DNAH11: variants seen among roughly 807,000 people sequenced by gnomAD.
DNAH11 encodes dynein axonemal heavy chain 11, also known as axonemal beta dynein heavy chain 11.
Under a neutral mutation model 526.0 loss-of-function variants are expected in DNAH11, and 442 were observed. The observed-to-expected ratio is 0.84, with a 90% CI of 0.78 to 0.91. DNAH11 has a LOEUF of 0.91. Among genes scored for constraint, DNAH11 ranks in the 40% least tolerant of loss-of-function variants. The probability of loss-of-function intolerance (pLI) is 0.00; values close to 1 mark genes in which losing one functional copy is unlikely to be tolerated. For synonymous variants in DNAH11, 2,461 were observed against 1,935.9 expected (o/e 1.27, Z -7.12); for missense variants, 6,989 against 5,448.7 (o/e 1.28, Z -8.90).
chr7:21,638,404 G>A (rs1035303528), intron 27 of DNAH11, among the ~76,000 whole-genome samples: 2 of 152,084 alleles, frequency 1.3e-5, no homozygotes, highest in South Asian at 2.1e-4. Flanking sequence ...TTTGGGGCTC[G>A]GGCTCTGCCT....
chr7:21,666,627 A>C (rs1191700623), intron 30 of DNAH11, among the ~76,000 whole-genome samples: 2 of 152,080 alleles, frequency 1.3e-5, no homozygotes, highest in Non-Finnish European at 2.9e-5. Context: ...CCTCACTTTT[A>C]GTTGCTAAGG....
intron 27 of DNAH11, 127 bp from the exon 28 acceptor site, chr7:21,638,812 A>C: frequency 1.8e-6 from 2 of 1,137,966 alleles, no homozygotes; most frequent in South Asian, 3.2e-5. Flanking sequence ...AAAAGAAGGA[A>C]GTAAGCTACC....
intron 28 of DNAH11, among the ~76,000 whole-genome samples, chr7:21,649,453 C>T (rs1787524088): frequency 6.6e-6 from 1 of 151,970 alleles, no homozygotes; most frequent in Admixed American, 6.6e-5. Flanking sequence ...CAATGGAATA[C>T]CACATAGCAA....
intron 25 of DNAH11, among the ~76,000 whole-genome samples, chr7:21,630,142 A>T (rs1786534233): frequency 6.6e-6 from 1 of 151,982 alleles, no homozygotes. Context: ...TTTTAAAGAG[A>T]TGACAACTTA....
intron 30 of DNAH11, among the ~76,000 whole-genome samples, chr7:21,662,282 C>A (rs11768215): frequency 0.41 from 61,736 of 151,970 alleles, 13,335 homozygotes; most frequent in Non-Finnish European, 0.49. Context: ...TTCTAACATG[C>A]AGAAAAGCTG....
At chr7:21,787,277 A>G in intron 59 of DNAH11, 124 bp from the exon 60 acceptor site, 2 of 858,526 alleles carry the variant, frequency 2.3e-6, no homozygotes, top group Non-Finnish European at 3.5e-6. Flanking sequence ...AAACAGTAGG[A>G]TAAATGCAGC....
chr7:21,594,098 A>ACT lies in DNAH11; in HGVS notation c.2667+2524_2667+2525dup, dbSNP rs1554317068. On this transcript the variant is annotated intron_variant, in intron 14 of 81. Transcript: ENST00000409508. ...CACACACACACACACACACACACACACTCTGAAGCCATCATGAAGTAGCAC... is the reference window on the plus strand; with the variant it reads ...CACACACACACACACACACACACACACTCTCTGAAGCCATCATGAAGTAGCAC... Among the ~76,000 whole-genome samples, 96 of 148,062 alleles carry ACT rather than the reference A, an allele frequency of 6.5e-4. 1 individual carries two copies. Among genetic ancestry groups the ACT allele is most frequent in the South Asian group, 1.8e-3 (8 of 4,564 alleles).
Position 21,797,444 on chromosome 7 carries a change from C to T in DNAH11, c.10027-3693C>T, listed in dbSNP as rs1027327688. Among the ~76,000 whole-genome samples the T allele has an allele frequency of 5.5e-4, 84 of 151,794 alleles. 3 individuals carry two copies. The highest frequency in any genetic ancestry group is 1.9e-3 in the African/African-American group (77 of 41,098). ...ATGTTGGTCAGGCTGGTCTCAAACT[C>T]GTGACCTCAGGTGATCCGCTCGCCT... On this transcript the variant is annotated intron_variant, in intron 61 of 81. Coordinates refer to ENST00000409508, the MANE Select transcript of DNAH11 (RefSeq NM_001277115.2).
rs887984121 is a variant in DNAH11 at position 21,718,700 on chromosome 7, T to A, written c.7134+775T>A. Reference sequence around the variant, plus strand: ...CAGCCCTTAGAAGTAGAAGACTTCATGAAAAGGTTTACAATTAGAAACCCC... The same window carrying A: ...CAGCCCTTAGAAGTAGAAGACTTCAAGAAAAGGTTTACAATTAGAAACCCC... On this transcript the variant is annotated intron_variant, in intron 43 of 81. Transcript: ENST00000409508. Among the ~76,000 whole-genome samples the A allele has an allele frequency of 2.0e-5, 3 of 152,170 alleles. No homozygotes were observed. The South Asian group carries it at 6.2e-4, about 32-fold the overall frequency.
At chr7:21,625,895 C>G (rs1450144393) in intron 25 of DNAH11, among the ~76,000 whole-genome samples, 1 of 151,984 alleles carries the variant, frequency 6.6e-6, no homozygotes, top group Non-Finnish European at 1.5e-5. Context: ...AAGTTTTTAG[C>G]TAAGATTATC....
intron 28 of DNAH11, among the ~76,000 whole-genome samples, chr7:21,648,170 A>G (rs1011047525): frequency 6.6e-6 from 1 of 152,240 alleles, no homozygotes; most frequent in Non-Finnish European, 1.5e-5. Context: ...TACCAAATGC[A>G]GAAAGCAGTA....
At chr7:21,745,804 A>G (rs991178390) in intron 51 of DNAH11, among the ~76,000 whole-genome samples, 2 of 152,360 alleles carry the variant, frequency 1.3e-5, no homozygotes, top group South Asian at 2.1e-4. Flanking sequence ...TGAATTTCCA[A>G]AGAGGGACTG....
chr7:21,889,379 C>G (rs150037759), intron 76 of DNAH11, among the ~76,000 whole-genome samples: 94 of 152,242 alleles, frequency 6.2e-4, no homozygotes, highest in Non-Finnish European at 7.2e-4. Flanking sequence ...TTTGTGTGGA[C>G]ATATGTTTTC....
intron 72 of DNAH11, 130 bp downstream of exon 72, chr7:21,868,137 G>A: frequency 1.2e-6 from 1 of 855,842 alleles, no homozygotes; most frequent in Non-Finnish European, 1.6e-6. Context: ...TTGAAGATTG[G>A]GTGTATGGAA....
chr7:21,802,043 G>A (rs986069177), intron 62 of DNAH11, among the ~76,000 whole-genome samples: 1 of 152,160 alleles, frequency 6.6e-6, no homozygotes, highest in African/African-American at 2.4e-5. Flanking sequence ...TTGTTTTCTT[G>A]TATCTAAAAC....
At chr7:21,567,858 T>G (rs1783737219) in intron 6 of DNAH11, among the ~76,000 whole-genome samples, 1 of 152,222 alleles carries the variant, frequency 6.6e-6, no homozygotes, top group South Asian at 2.1e-4. Context: ...TAGCACAGGC[T>G]TTGGTAGTGG....
intron 55 of DNAH11, 104 bp downstream of exon 55, chr7:21,765,693 A>C: frequency 7.5e-7 from 1 of 1,340,788 alleles, no homozygotes; most frequent in Non-Finnish European, 9.9e-7. Context: ...TGCTTTCCAC[A>C]GTACATCTCC....
At chr7:21,850,608 C>CTTTTTTTTTTTTT (rs3062635) in intron 66 of DNAH11, among the ~76,000 whole-genome samples, 56 of 62,668 alleles carry the variant, frequency 8.9e-4, no homozygotes, top group Non-Finnish European at 1.1e-3. Flanking sequence ...CTGTCTTCTT[C>CTTTTTTTTTTTTT]TTTTTTTTTT....
chr7:21,812,348 C>T (rs75298689), intron 63 of DNAH11, among the ~76,000 whole-genome samples: 3,097 of 152,186 alleles, frequency 0.02, 91 homozygotes, highest in African/African-American at 0.066. Flanking sequence ...GCAACTCTTT[C>T]CCACACCCAC....
Sources: gnomAD v4.1 joint callset for allele counts (sites outside exome capture counted in the v4.1 genomes callset) on GRCh38, gnomAD v4.1.1 for gene constraint, MANE v1.5 for transcripts, NCBI Gene and HGNC (gene_info 2026-07-23, HGNC 2026-07-21) for gene names.